Variants in NFASC observed in about 807,000 individuals in gnomAD.
NFASC encodes the protein neurofascin homolog.
NFASC carries 43 observed loss-of-function variants against 147.5 expected under a neutral mutation model. The ratio of observed to expected loss-of-function variants is 0.29; its 90% confidence interval spans 0.23 to 0.38. The LOEUF is 0.38. NFASC is among the 10% of genes least tolerant of loss of function. The pLI, the probability that NFASC is intolerant of heterozygous loss-of-function variation, is 1.00. For missense variants in NFASC, 1,320 were observed against 1,689.0 expected (o/e 0.78, Z 3.83); for synonymous variants, 622 against 665.5 (o/e 0.93, Z 1.01).
intron 1 of NFASC, among the ~76,000 whole-genome samples, chr1:204,830,006 GGT>G (rs58294218): frequency 0.047 from 6,733 of 143,986 alleles, 170 homozygotes; most frequent in Middle Eastern, 0.11. Context: ...TTTGGCATGG[GGT>G]GTGTGTGTGT....
chr1:204,989,188 A>C (rs1243298504), intron 23 of NFASC: 1 of 260,700 alleles, frequency 3.8e-6, no homozygotes, highest in East Asian at 1.0e-4. Flanking sequence ...TATGATTGTG[A>C]GTGCTCCCAT....
At chr1:204,981,266 C>T (rs1482902767) in intron 20 of NFASC, among the ~76,000 whole-genome samples, 2 of 152,242 alleles carry the variant, frequency 1.3e-5, no homozygotes, top group Non-Finnish European at 2.9e-5. Context: ...GATTCCTGGG[C>T]CAGGCCCTTA....
At chr1:204,984,212 G>T in intron 21 of NFASC, 2 of 986,040 alleles carry the variant, frequency 2.0e-6, no homozygotes, top group East Asian at 4.8e-5. Context: ...AGCAAATGCG[G>T]GCTATAAGAT....
intron 1 of NFASC, among the ~76,000 whole-genome samples, chr1:204,848,691 C>CT (rs2075390686): frequency 6.6e-6 from 1 of 152,192 alleles, no homozygotes; most frequent in Admixed American, 6.5e-5. Flanking sequence ...TTTATGTGTA[C>CT]TTTTTCTGTT....
At position 205,016,414 on chromosome 1, in the gene NFASC, G is replaced by A; in HGVS notation, c.3598G>A (p.Gly1200Ser). ...GGTGGACTATGGCGAGGGTGGCGAG[G>A]GTCAGTTCAATGAAGACGGCTCCTT... is the stretch of plus-strand genomic sequence containing the variant. ...SLVDYGEGGE[G>S]QFNEDGSFIG... is the part of the protein sequence containing the mutation. The change falls in exon 30 of 30, where the codon GGT becomes AGT. Residue 1200 changes from glycine (G) to serine (S), a missense_variant. Around this residue, in one of 3 missense-constraint regions of NFASC, gnomAD observed 167 missense variants for 233.8 expected, o/e 0.71. Coordinates refer to ENST00000339876, the MANE Select transcript of NFASC (RefSeq NM_001005388.3). This position sits in a 1 kb window ranked among gnomAD's most constrained non-coding sequence, Gnocchi z 5.1. 2 of 1,614,040 alleles carry A rather than the reference G, an allele frequency of 1.2e-6. No individual in the cohort carries two copies. The highest frequency in any genetic ancestry group is 1.7e-6 in the Non-Finnish European group (2 of 1,179,992).
intron 1 of NFASC, among the ~76,000 whole-genome samples, chr1:204,891,658 T>C (rs1209324166): frequency 1.3e-5 from 2 of 152,152 alleles, no homozygotes; most frequent in African/African-American, 4.8e-5. Context: ...CACACACCTC[T>C]ATAGCACTGT....
chr1:204,886,019 C>G (rs995599588), intron 1 of NFASC, among the ~76,000 whole-genome samples: 1 of 152,216 alleles, frequency 6.6e-6, no homozygotes, highest in South Asian at 2.1e-4. Flanking sequence ...GGCTGCAGCA[C>G]ATTCTTTGAA....
At chr1:204,912,178 G>A (rs2087708413) in intron 1 of NFASC, among the ~76,000 whole-genome samples, 1 of 151,518 alleles carries the variant, frequency 6.6e-6, no homozygotes, top group Admixed American at 6.6e-5. Flanking sequence ...TTTAGGTTTT[G>A]GGGTGGGAGG....
At chr1:204,973,476 CT>C in intron 12 of NFASC, 57 bp downstream of exon 12, 1 of 1,596,248 alleles carries the variant, frequency 6.3e-7, no homozygotes, top group Non-Finnish European at 8.6e-7. Flanking sequence ...CACAGTCGCC[CT>C]GGGGCTTGGT....
intron 8 of NFASC, among the ~76,000 whole-genome samples, chr1:204,962,525 A>G (rs2094728212): frequency 6.7e-6 from 1 of 150,348 alleles, no homozygotes; most frequent in Admixed American, 6.6e-5. Context: ...CATAGTGAAG[A>G]GAAAACAGGA....
intron 1 of NFASC, among the ~76,000 whole-genome samples, chr1:204,904,452 A>G (rs907966392): frequency 1.3e-5 from 2 of 152,096 alleles, no homozygotes; most frequent in Non-Finnish European, 2.9e-5. Context: ...CCCTTGTTGG[A>G]ATGTTGGAAG....
intron 21 of NFASC, among the ~76,000 whole-genome samples, chr1:204,983,713 C>A (rs1303018075): frequency 6.6e-6 from 1 of 152,126 alleles, no homozygotes; most frequent in Non-Finnish European, 1.5e-5. Flanking sequence ...GGGCAGCCCC[C>A]CAGGAGACGG....
At chr1:204,910,208 A>G (rs1394442947) in intron 1 of NFASC, among the ~76,000 whole-genome samples, 1 of 152,150 alleles carries the variant, frequency 6.6e-6, no homozygotes, top group Non-Finnish European at 1.5e-5. Flanking sequence ...ATTCCAGTTT[A>G]TGAACAAAGT....
At position 204,874,593 on chromosome 1, in the gene NFASC, G is replaced by A. The variant is rs563773946; in HGVS notation, c.-200+45811G>A. ...CCTGAATCTACTTCCCTCCACCCTC[G>A]GGCCCTGGGTCCTGATGGCATCTGC... On this transcript the variant is annotated intron_variant, in intron 1 of 29. Coordinates refer to ENST00000339876, the MANE Select transcript of NFASC (RefSeq NM_001005388.3). Among the ~76,000 whole-genome samples the A allele has an allele frequency of 3.3e-5, 5 of 152,148 alleles. No homozygotes were observed. In the South Asian group the frequency reaches 6.2e-4, roughly 19 times the overall value.
intron 2 of NFASC, among the ~76,000 whole-genome samples, chr1:204,922,543 A>T (rs1055449406): frequency 2.0e-5 from 3 of 152,214 alleles, no homozygotes; most frequent in Non-Finnish European, 4.4e-5. Flanking sequence ...GGCTGCTGTC[A>T]TCATTCCCAT....
At chr1:204,924,858 A>G (rs767385194) in intron 2 of NFASC, among the ~76,000 whole-genome samples, 3 of 152,086 alleles carry the variant, frequency 2.0e-5, no homozygotes, top group African/African-American at 4.8e-5. Flanking sequence ...GAAAGGGCCA[A>G]TCGTTTATTT....
At position 205,018,373 on chromosome 1, in the gene NFASC, G is replaced by T. The variant is rs762146494; in HGVS notation, c.*1834G>T. The T allele has an allele frequency of 6.5e-6, 1 of 152,708 alleles. No individual in the cohort carries two copies. Among genetic ancestry groups the T allele is most frequent in the Non-Finnish European group, 1.5e-5 (1 of 68,074 alleles). The allele number at this position is 152,708 out of a possible 1,614,324, so 9.5% of individuals were successfully genotyped here. ...TTTGCCACATGTTTAAGCCGCAAAG[G>T]TATTAGCAATGCTTGCATCATTAAT... On this transcript the variant is annotated 3_prime_UTR_variant, in exon 30 of 30. Coordinates refer to ENST00000339876, the MANE Select transcript of NFASC (RefSeq NM_001005388.3).
At chr1:204,884,724 C>A (rs886144092) in intron 1 of NFASC, among the ~76,000 whole-genome samples, 1 of 152,080 alleles carries the variant, frequency 6.6e-6, no homozygotes, top group East Asian at 1.9e-4. Flanking sequence ...AGCAGAGTAC[C>A]GTTTGAGTGC....
chr1:204,983,898 G>C (rs2095555893), intron 21 of NFASC: 1 of 643,522 alleles, frequency 1.6e-6, no homozygotes, highest in African/African-American at 1.8e-5. Flanking sequence ...TCATGGAGGA[G>C]ATATGGCCCC....
Sources: allele counts gnomAD v4.1 joint callset (sites outside exome capture counted in the v4.1 genomes callset), GRCh38; gene constraint gnomAD v4.1.1; regional missense constraint gnomAD v4.1.1; non-coding constraint Gnocchi (gnomAD v3.1); transcripts MANE v1.5; gene names NCBI Gene and HGNC (gene_info 2026-07-23, HGNC 2026-07-21).